HBS1L: variants seen among roughly 807,000 people sequenced by gnomAD.
HBS1L encodes the protein HBS1 like translational GTPase, also known as HBS1-like protein.
In HBS1L, 55 loss-of-function variants were observed where a neutral mutation model predicts 88.9. The observed-to-expected ratio is 0.62, with a 90% confidence interval of 0.50 to 0.77. The LOEUF is 0.77. Among genes scored for constraint, HBS1L ranks in the 30% least tolerant of loss-of-function variants. The pLI is 0.00. For synonymous variants in HBS1L, 267 were observed against 288.5 expected, an observed-to-expected ratio of 0.93 and a Z score of 0.76; for missense variants, 741 against 829.3, an observed-to-expected ratio of 0.89 and a Z score of 1.31.
At chr6:134,969,157 G>A (rs1774407917) in intron 16 of HBS1L, 81 bp downstream of exon 16, 1 of 904,042 alleles carries the variant, frequency 1.1e-6, no homozygotes, top group Admixed American at 1.9e-5. Context: ...TTACCACAAA[G>A]AGAAATACTA....
intron 4 of HBS1L, 111 bp downstream of exon 4, chr6:135,039,461 AT>A: frequency 1.1e-6 from 1 of 886,606 alleles, no homozygotes; most frequent in Non-Finnish European, 1.8e-6. Context: ...AACATGCAAG[AT>A]TTTAATAGCT....
chr6:134,967,832 T>C (rs1410216457), intron 16 of HBS1L, among the ~76,000 whole-genome samples: 1 of 152,220 alleles, frequency 6.6e-6, no homozygotes, highest in East Asian at 1.9e-4. Context: ...AGAATATACA[T>C]TATGTGAAAG....
At position 134,966,428 on chromosome 6, in the gene HBS1L, TTGTGTCTG is replaced by T; in HGVS notation, c.1936_1943del (p.Gln646LysfsTer6). 6.2e-7 allele frequency: 1 copy of T among 1,612,174 alleles called. No homozygotes were observed. Among genetic ancestry groups the T allele is most frequent in the Non-Finnish European group, 8.5e-7 (1 of 1,178,758 alleles). The stretch of plus-strand genomic sequence containing the variant: ...TATATAGCTCAAGAGCTATTGGTCT[TTGTGTCTG>T]TAGCTCTACCAATGCATTCTGGCCT... On this transcript the variant is annotated frameshift_variant, in exon 17 of 18. Transcript: ENST00000367837. LOFTEE classifies it high-confidence loss of function.
intron 9 of HBS1L, 116 bp downstream of exon 9, chr6:134,987,529 T>G (rs1775012855): frequency 1.5e-6 from 1 of 683,732 alleles, no homozygotes; most frequent in South Asian, 5.1e-5. Flanking sequence ...AATTTATTTT[T>G]AAAAACATGG....
At chr6:134,975,014 A>G (rs776209387) in intron 15 of HBS1L, among the ~76,000 whole-genome samples, 1 of 152,182 alleles carries the variant, frequency 6.6e-6, no homozygotes, top group Non-Finnish European at 1.5e-5. Context: ...AAAAAATCCT[A>G]AAGATTCCTC....
chr6:135,021,055 T>A (rs908027301), intron 4 of HBS1L, among the ~76,000 whole-genome samples: 4 of 152,088 alleles, frequency 2.6e-5, no homozygotes, highest in Non-Finnish European at 5.9e-5. Flanking sequence ...TGAATGCTGG[T>A]TCTATCCTTT....
intron 11 of HBS1L, among the ~76,000 whole-genome samples, chr6:134,985,830 T>C (rs1023090860): frequency 2.6e-5 from 4 of 152,174 alleles, no homozygotes; most frequent in African/African-American, 9.6e-5. Context: ...GTTAATCTCA[T>C]TTAATTTTAA....
intron 17 of HBS1L, among the ~76,000 whole-genome samples, chr6:134,966,088 T>C (rs1422672917): frequency 6.6e-6 from 1 of 152,094 alleles, no homozygotes; most frequent in African/African-American, 2.4e-5. Flanking sequence ...AAATTCTAAT[T>C]TCTTGTTCTA....
intron 1 of HBS1L, among the ~76,000 whole-genome samples, chr6:135,052,378 C>T (rs985444596): frequency 3.9e-5 from 6 of 151,986 alleles, no homozygotes; most frequent in Admixed American, 1.3e-4. Flanking sequence ...GGGAGGATCT[C>T]GCTTGGGCAA....
chr6:135,036,001 A>T (rs1449068114), intron 4 of HBS1L: 1 of 667,366 alleles, frequency 1.5e-6, no homozygotes, highest in African/African-American at 2.0e-5. Flanking sequence ...TATTATCAAA[A>T]ATGTATTTCA....
rs185326013 is a variant in HBS1L at position 134,961,040 on chromosome 6, A to C, written c.*4239T>G. The stretch of plus-strand genomic sequence containing the variant: ...ATAATCACAACCTTTGTCTTCATTT[A>C]ATTTTCTTGTTTCCTTTCCATCTTT... On this transcript the variant is annotated 3_prime_UTR_variant, in exon 18 of 18. Coordinates refer to ENST00000367837, the MANE Select transcript of HBS1L (RefSeq NM_006620.4). The C allele has an allele frequency of 4.2e-5, 6 of 144,078 alleles. No individual in the cohort carries two copies. The East Asian group carries it at 1.0e-3, about 25-fold the overall frequency. 8.9% of individuals were successfully genotyped at this position (144,078 alleles called of 1,614,324 possible). A position where few individuals can be genotyped will look rare whatever the true frequency, so the allele number is the denominator to read the frequency against.
intron 11 of HBS1L, 83 bp downstream of exon 11, chr6:134,985,983 G>T: frequency 1.4e-6 from 1 of 701,324 alleles, no homozygotes; most frequent in East Asian, 2.6e-5. Context: ...TTTCATACGT[G>T]TGACTCTCTC....
chr6:135,003,849 A>C (rs1022207817), intron 4 of HBS1L, among the ~76,000 whole-genome samples: 5 of 152,204 alleles, frequency 3.3e-5, no homozygotes, highest in Admixed American at 2.0e-4. Flanking sequence ...TAGGCGACAG[A>C]GTGAGACTCC....
At chr6:135,053,996 A>C (rs1418855492) in intron 1 of HBS1L, among the ~76,000 whole-genome samples, 6 of 152,334 alleles carry the variant, frequency 3.9e-5, no homozygotes, top group African/African-American at 1.2e-4. Flanking sequence ...TTCAAAATAC[A>C]TTTATATCAA....
intron 5 of HBS1L, among the ~76,000 whole-genome samples, chr6:134,999,097 A>G (rs1468974237): frequency 1.3e-5 from 2 of 152,248 alleles, no homozygotes; most frequent in East Asian, 3.8e-4. Flanking sequence ...CAAGTGATCT[A>G]CTGTGACTAG....
Position 135,002,795 on chromosome 6 carries a change from G to A in HBS1L, c.478C>T (p.Pro160Ser), listed in dbSNP as rs779735673. Residue 160 changes from proline to serine, a missense_variant, in exon 5 of 18, where the codon CCA becomes TCA. By Grantham distance (74) the Pro-to-Ser change is moderately conservative. Coordinates refer to ENST00000367837, the MANE Select transcript of HBS1L (RefSeq NM_006620.4). ...QTSRSESEIV[P>S]KVAKMTVSGK... ...GATACAGTCATTTTAGCAACTTTTGGCACAATTTCAGATTCACTTCGCGAT... is the reference window on the plus strand; with the variant it reads ...GATACAGTCATTTTAGCAACTTTTGACACAATTTCAGATTCACTTCGCGAT... 6.8e-6 allele frequency: 11 copies of A among 1,613,140 alleles called. No individual in the cohort carries two copies. In the South Asian group the frequency reaches 1.2e-4, roughly 18 times the overall value.
In HBS1L at chr6:134,987,774, T is replaced by G; in HGVS notation, c.1101A>C (p.Leu367Phe). The change falls in exon 9 of 18, where the codon TTA becomes TTC. Residue 367 changes from leucine to phenylalanine, a missense_variant. Coordinates refer to ENST00000367837, the MANE Select transcript of HBS1L (RefSeq NM_006620.4). ...TGAAQADVAV[L>F]VVDASRGEFE... ...ACTCTCCCCTGCTGGCATCTACAAC[T>G]AAAACAGCTACATCCGCCTAAAGAA... 6.3e-7 allele frequency: 1 copy of G among 1,593,526 alleles called. No homozygotes were observed. Among genetic ancestry groups the G allele is most frequent in the Non-Finnish European group, 8.5e-7 (1 of 1,171,056 alleles).
chr6:135,047,812 G>A (rs532892933), intron 2 of HBS1L, among the ~76,000 whole-genome samples: 619 of 152,282 alleles, frequency 4.1e-3, no homozygotes, highest in Middle Eastern at 0.014. Flanking sequence ...TGTGAGTGAT[G>A]AGGATAGCAC....
chr6:134,966,734 G>T (rs1403475277), intron 16 of HBS1L, among the ~76,000 whole-genome samples: 1 of 151,374 alleles, frequency 6.6e-6, no homozygotes, highest in Admixed American at 6.6e-5. Context: ...TCCCTTACGG[G>T]ACCACTATAG....
Sources: allele counts gnomAD v4.1 joint callset (sites outside exome capture counted in the v4.1 genomes callset), GRCh38; gene constraint gnomAD v4.1.1; transcripts MANE v1.5; gene names NCBI Gene and HGNC (gene_info 2026-07-23, HGNC 2026-07-21).